The following RAD17 variants were observed in gnomAD, a reference collection of about 807,000 sequenced individuals.
The protein encoded by RAD17 is cell cycle checkpoint protein RAD17.
A neutral mutation model predicts 81.5 loss-of-function variants in RAD17; 31 were observed. That is an observed-to-expected ratio of 0.38 (90% confidence interval 0.29 to 0.51). RAD17 has a LOEUF of 0.51. RAD17 is among the 20% of genes least tolerant of loss of function. The pLI is 0.88. For missense variants in RAD17, 681 were observed against 781.2 expected (o/e 0.87, Z 1.53); for synonymous variants, 261 against 266.2 (o/e 0.98, Z 0.19).
Position 69,373,990 on chromosome 5 carries a change from A to C in RAD17, c.170A>C (p.Asn57Thr). ...AGATTTCCAGCGAGAAAAAGAGGAA[A>C]TCTATCTTCCTTAGAACAGATTTAT... The part of the protein sequence containing the change: ...SSRFPARKRG[N>T]LSSLEQIYGL... Residue 57 changes from asparagine to threonine, a missense_variant, in exon 5 of 19, where the codon AAT (asparagine) becomes ACT (threonine). Transcript: ENST00000354868. 6.2e-7 allele frequency: 1 copy of C among 1,613,340 alleles called. No individual in the cohort carries two copies. The highest frequency in any genetic ancestry group is 8.5e-7 in the Non-Finnish European group (1 of 1,179,460).
At chr5:69,407,739 GCGGGGT>G (rs1164728492) in intron 17 of RAD17, among the ~76,000 whole-genome samples, 1 of 151,880 alleles carries the variant, frequency 6.6e-6, no homozygotes, top group Non-Finnish European at 1.5e-5. Context: ...GCTATGCCCG[GCGGGGT>G]TTCGCCATGT....
intron 6 of RAD17, among the ~76,000 whole-genome samples, chr5:69,381,175 G>C (rs1763832627): frequency 6.6e-6 from 1 of 151,950 alleles, no homozygotes; most frequent in African/African-American, 2.4e-5. Flanking sequence ...CATCCAATGA[G>C]ATGTCTATAT....
Position 69,374,635 on chromosome 5 carries a change from T to A in RAD17, c.275T>A (p.Leu92His). ...TTGAAATTTTTGTTGTAGCATGAAC[T>A]TGCTGTGCATAAAAAGAAAATTGAA... Reference protein sequence around the residue: ...DKYKPETQHELAVHKKKIEEV... With the variant: ...DKYKPETQHEHAVHKKKIEEV... The change falls in exon 6 of 19, where the codon CTT becomes CAT. Residue 92 changes from leucine (L) to histidine (H), a missense_variant. Transcript: ENST00000354868. The A allele has an allele frequency of 6.2e-7, 1 of 1,608,866 alleles. No individual in the cohort carries two copies. The highest frequency in any genetic ancestry group is 8.5e-7 in the Non-Finnish European group (1 of 1,178,654).
At chr5:69,402,053 GTT>G (rs1177253691) in intron 17 of RAD17, among the ~76,000 whole-genome samples, 1 of 116,364 alleles carries the variant, frequency 8.6e-6, no homozygotes, top group Admixed American at 8.7e-5. Flanking sequence ...TAAACTTTTT[GTT>G]TTTTTTTTTG....
Position 69,372,051 on chromosome 5 carries a change from T to G in RAD17, c.-158T>G. 7.5e-7 allele frequency: 1 copy of G among 1,328,950 alleles called. No homozygotes were observed. Among genetic ancestry groups the G allele is most frequent in the Non-Finnish European group, 9.9e-7 (1 of 1,008,148 alleles). The allele number at this position is 1,328,950 out of a possible 1,614,324, so 82.3% of individuals were successfully genotyped here. A position where few individuals can be genotyped will look rare whatever the true frequency, so the allele number is the denominator to read the frequency against. ...TTTTTCAGTATATGGGAGTCCACAT[T>G]TATGTAAGAAATGAAACTATAAAAT... On this transcript the variant is annotated 5_prime_UTR_variant, in exon 4 of 19. The change creates a new upstream start codon in the 5' untranslated region. Coordinates refer to ENST00000354868, the MANE Select transcript of RAD17 (RefSeq NM_133338.3).
At chr5:69,394,316 C>G (rs1030337069) in intron 15 of RAD17, among the ~76,000 whole-genome samples, 23 of 150,442 alleles carry the variant, frequency 1.5e-4, no homozygotes, top group Non-Finnish European at 3.0e-4. Flanking sequence ...CCTGCCCTGG[C>G]CTCTCAAAAG....
At chr5:69,391,574 C>G (rs1764558936) in intron 12 of RAD17, among the ~76,000 whole-genome samples, 1 of 152,000 alleles carries the variant, frequency 6.6e-6, no homozygotes, top group African/African-American at 2.4e-5. Context: ...GAATGTCAGC[C>G]TATATTAGAG....
At chr5:69,378,633 TAAC>T (rs1199230531) in intron 6 of RAD17, among the ~76,000 whole-genome samples, 1 of 152,248 alleles carries the variant, frequency 6.6e-6, no homozygotes, top group Non-Finnish European at 1.5e-5. Context: ...AAACCTCTGG[TAAC>T]AACATTTTTG....
rs1766218109 is a variant in RAD17, at chr5:69,414,084, G to A, written c.1805G>A (p.Ser602Asn). The A allele has an allele frequency of 1.9e-6, 3 of 1,614,208 alleles. No individual in the cohort carries two copies. The East Asian group carries it at 6.7e-5, about 36-fold the overall frequency. ...GAACATGGAATGATAGACCCTGACA[G>A]CGGAGATGAAGCCCAGCTTAATGGA... ...DREHGMIDPD[S>N]GDEAQLNGGH... The change falls in exon 19 of 19, where the codon AGC (serine) becomes AAC (asparagine). Residue 602 changes from serine (S) to asparagine (N), a missense_variant. Transcript: ENST00000354868.
chr5:69,370,082 T>C (rs565049364), intron 1 of RAD17, 149 bp downstream of exon 1: 6 of 249,932 alleles, frequency 2.4e-5, no homozygotes, highest in Admixed American at 2.3e-4. Flanking sequence ...TGCAGAGCCC[T>C]GTCCTGCAGC....
Position 69,384,999 on chromosome 5 carries a change from A to G in RAD17, c.645+66A>G, listed in dbSNP as rs543948438. On this transcript the variant is annotated intron_variant, in intron 8 of 18. Transcript: ENST00000354868. The stretch of plus-strand genomic sequence containing the variant: ...AATGGAGTCTTGCTGTGTCACTGTC[A>G]CCCAGGCTGGAGTGCAGTGGCGCGA... 39 of 1,360,326 alleles carry G rather than the reference A, an allele frequency of 2.9e-5. No individual in the cohort carries two copies. The East Asian group carries it at 3.8e-4, about 13-fold the overall frequency. 84.3% of individuals were successfully genotyped at this position (1,360,326 alleles called of 1,614,324 possible).
intron 15 of RAD17, among the ~76,000 whole-genome samples, chr5:69,395,119 T>C (rs969100896): frequency 6.6e-6 from 1 of 152,200 alleles, no homozygotes; most frequent in African/African-American, 2.4e-5. Context: ...ACCATTTATG[T>C]TATAGAGCTT....
rs1467444769 is a variant in RAD17 at position 69,414,228 on chromosome 5, T to C, written c.1949T>C (p.Phe650Ser). 6.2e-7 allele frequency: 1 copy of C among 1,614,066 alleles called. No individual in the cohort carries two copies. The highest frequency in any genetic ancestry group is 1.3e-5 in the African/African-American group (1 of 74,936). ...SELPASQPQP[F>S]SAQGDMEENI... The stretch of plus-strand genomic sequence containing the variant: ...CTGCCTGCTAGCCAGCCCCAGCCCT[T>C]TTCAGCCCAAGGAGACATGGAAGAA... Residue 650 changes from phenylalanine to serine, a missense_variant, in exon 19 of 19, where the codon TTT (phenylalanine) becomes TCT (serine). Physicochemically the swap from Phe to Ser is radical, Grantham distance 155. Coordinates refer to ENST00000354868, the MANE Select transcript of RAD17 (RefSeq NM_133338.3).
intron 13 of RAD17, 69 bp downstream of exon 13, chr5:69,392,082 C>T (rs1416453974): frequency 1.5e-6 from 2 of 1,296,836 alleles, no homozygotes; most frequent in African/African-American, 3.1e-5. Flanking sequence ...TAAAATGTCA[C>T]TTTTAAAAAA....
intron 18 of RAD17, among the ~76,000 whole-genome samples, chr5:69,410,965 C>CCATATATATA (rs1554044687): frequency 0.06 from 5,432 of 90,096 alleles, 483 homozygotes; most frequent in Middle Eastern, 0.099. Context: ...AGATGTCTGT[C>CCATATATATA]TATATATATA....
chr5:69,395,596 T>C (rs17230089), intron 15 of RAD17, among the ~76,000 whole-genome samples: 1 of 152,128 alleles, frequency 6.6e-6, no homozygotes, highest in African/African-American at 2.4e-5. Context: ...GGATACCCCA[T>C]TTAACTTGAG....
chr5:69,400,090 C>T lies in RAD17; in HGVS notation c.1614C>T (p.Asp538=), dbSNP rs1235293448. The change falls in exon 17 of 19, where the codon GAC becomes GAT. Residue 538 remains aspartate (D), a synonymous_variant. Coordinates refer to ENST00000354868, the MANE Select transcript of RAD17 (RefSeq NM_133338.3). ...TGGCAGCAAAAGCACTTTTTCCTGA[C>T]TTCTGCCTACCAGCTTTATGCCTCC... is the stretch of plus-strand genomic sequence containing the variant. ...NCLAAKALFP[D]FCLPALCLQT... is the part of the protein sequence containing the mutation. 4.4e-6 allele frequency: 7 copies of T among 1,603,374 alleles called. No individual in the cohort carries two copies. The highest frequency in any genetic ancestry group is 6.0e-6 in the Non-Finnish European group (7 of 1,175,326).
rs781294751 is a variant in RAD17, at chr5:69,371,137, G to A, written c.-314G>A. 2 of 486,074 alleles carry A rather than the reference G, an allele frequency of 4.1e-6. No individual in the cohort carries two copies. Among genetic ancestry groups the A allele is most frequent in the African/African-American group, 2.0e-5 (1 of 49,610 alleles). 30.1% of individuals were successfully genotyped at this position (486,074 alleles called of 1,614,324 possible). The stretch of plus-strand genomic sequence containing the variant: ...AACTTTAATTTTCAGTATAAAAATT[G>A]CTCAAATAGAATTGCCTGATTTTAA... On this transcript the variant is annotated 5_prime_UTR_variant, in exon 2 of 19. Coordinates refer to ENST00000354868, the MANE Select transcript of RAD17 (RefSeq NM_133338.3).
At chr5:69,369,440 C>T (rs765249067), upstream of RAD17, 8 of 1,609,126 alleles carry the variant, frequency 5.0e-6, no homozygotes, top group East Asian at 4.5e-5. Flanking sequence ...CCAGCCCAGT[C>T]CCTCCCGGCC....
Sources: allele counts gnomAD v4.1 joint callset (sites outside exome capture counted in the v4.1 genomes callset), GRCh38; gene constraint gnomAD v4.1.1; transcripts MANE v1.5; gene names NCBI Gene and HGNC (gene_info 2026-07-23, HGNC 2026-07-21).